Variants in STIL observed in about 807,000 individuals in gnomAD.
The protein encoded by STIL is SCL-interrupting locus protein.
Under a neutral mutation model 110.1 loss-of-function variants are expected in STIL, and 55 were observed. That is an observed-to-expected ratio of 0.50 (90% confidence interval 0.40 to 0.63). The LOEUF is 0.63. STIL is among the 20% of genes least tolerant of loss of function. The pLI, the probability that STIL is intolerant of heterozygous loss-of-function variation, is 0.00. For missense variants in STIL, 1,358 were observed against 1,530.0 expected (o/e 0.89, Z 1.87); for synonymous variants, 481 against 530.0 (o/e 0.91, Z 1.27).
intron 8 of STIL, 116 bp from the exon 9 acceptor site, chr1:47,289,701 G>A: frequency 9.6e-7 from 1 of 1,044,326 alleles, no homozygotes; most frequent in Non-Finnish European, 1.4e-6. Context: ...TGCAATTTTT[G>A]TTCAAAAACT....
chr1:47,278,026 C>A lies in STIL; in HGVS notation c.2217+2215G>T, dbSNP rs568790420. Reference sequence around the variant, plus strand: ...CCACAGCCCACTCTCTTAACCCTTACACCAAAATGAGATTTGCAATACTAG... The same window carrying A: ...CCACAGCCCACTCTCTTAACCCTTAAACCAAAATGAGATTTGCAATACTAG... On this transcript the variant is annotated intron_variant, in intron 12 of 16. Transcript: ENST00000371877. Among the ~76,000 whole-genome samples, 18 of 152,240 alleles carry A rather than the reference C, an allele frequency of 1.2e-4. No individual in the cohort carries two copies. The South Asian group carries it at 3.1e-3, about 26-fold the overall frequency.
chr1:47,312,630 A>T (rs983755954), intron 1 of STIL, among the ~76,000 whole-genome samples: 1 of 152,100 alleles, frequency 6.6e-6, no homozygotes, highest in African/African-American at 2.4e-5. Context: ...AAAAGTGCCA[A>T]TTTTTTCTTC....
chr1:47,266,605 A>T (rs1459925564), intron 14 of STIL, among the ~76,000 whole-genome samples: 1 of 152,172 alleles, frequency 6.6e-6, no homozygotes, highest in Non-Finnish European at 1.5e-5. Context: ...TAACCTCTTT[A>T]AACTGTTTCA....
intron 1 of STIL, among the ~76,000 whole-genome samples, chr1:47,313,430 AC>A (rs34836474): frequency 4.0e-5 from 6 of 151,374 alleles, no homozygotes; most frequent in Non-Finnish European, 7.4e-5. Context: ...TCCAACCTTA[AC>A]CCCCCCATCC....
intron 12 of STIL, among the ~76,000 whole-genome samples, chr1:47,275,643 A>G (rs1644970769): frequency 6.7e-6 from 1 of 149,562 alleles, no homozygotes; most frequent in South Asian, 2.1e-4. Context: ...TTTTTTTTTT[A>G]AGACAGGATC....
At chr1:47,290,702 C>CAAA in intron 8 of STIL, among the ~76,000 whole-genome samples, 1 of 75,888 alleles carries the variant, frequency 1.3e-5, no homozygotes, top group Middle Eastern at 7.8e-3. Flanking sequence ...GACTCCGTCT[C>CAAA]AAAAAAAAAA....
intron 10 of STIL, among the ~76,000 whole-genome samples, chr1:47,286,726 G>C (rs969659987): frequency 1.3e-5 from 2 of 151,956 alleles, no homozygotes; most frequent in Non-Finnish European, 2.9e-5. Flanking sequence ...GAGAAAGAAA[G>C]AATATTAGCT....
intron 16 of STIL, among the ~76,000 whole-genome samples, chr1:47,257,530 A>T (rs1644361893): frequency 6.6e-6 from 1 of 152,354 alleles, no homozygotes; most frequent in Admixed American, 6.5e-5. Flanking sequence ...AAAGTTTTAA[A>T]TATACAGATA....
chr1:47,274,635 G>A (rs911684486), intron 12 of STIL, among the ~76,000 whole-genome samples: 2 of 148,890 alleles, frequency 1.3e-5, no homozygotes, highest in African/African-American at 5.0e-5. Context: ...AGAACTTTTA[G>A]GGATCATTTG....
intron 2 of STIL, among the ~76,000 whole-genome samples, chr1:47,307,291 G>C (rs541090820): frequency 6.6e-6 from 1 of 152,340 alleles, no homozygotes; most frequent in African/African-American, 2.4e-5. Flanking sequence ...ACTCCAGCCT[G>C]AGTGACAGAG....
At position 47,250,956 on chromosome 1, in the gene STIL, C is replaced by A; in HGVS notation, c.*180G>T. 1 of 605,360 alleles carries A rather than the reference C, an allele frequency of 1.7e-6. No homozygotes were observed. Among genetic ancestry groups the A allele is most frequent in the South Asian group, 2.1e-5 (1 of 47,218 alleles). The allele number at this position is 605,360 out of a possible 1,614,324, so 37.5% of individuals were successfully genotyped here. On this transcript the variant is annotated 3_prime_UTR_variant, in exon 17 of 17. Coordinates refer to ENST00000371877, the MANE Select transcript of STIL (RefSeq NM_001048166.1). ...GTGATGTTGAACAGCTCTATTTGAA[C>A]AATGAGAACTTAGTCCTATCACCAG...
chr1:47,269,341 G>T (rs1644751499), intron 14 of STIL, among the ~76,000 whole-genome samples: 1 of 151,846 alleles, frequency 6.6e-6, no homozygotes, highest in South Asian at 2.1e-4. Flanking sequence ...TTCTGAGTTA[G>T]AAGACTTTAA....
intron 6 of STIL, among the ~76,000 whole-genome samples, chr1:47,299,400 CT>C (rs540612576): frequency 1.0e-3 from 146 of 140,344 alleles, no homozygotes; most frequent in Middle Eastern, 3.6e-3. Context: ...TCAGTTTTGT[CT>C]TTTTTTTTTT....
chr1:47,277,470 G>A (rs935892875), intron 12 of STIL, among the ~76,000 whole-genome samples: 1 of 152,110 alleles, frequency 6.6e-6, no homozygotes, highest in African/African-American at 2.4e-5. Flanking sequence ...GATGGTGTGG[G>A]GAAAACAAAC....
chr1:47,280,820 T>A lies in STIL; in HGVS notation c.1638A>T (p.Val546=), dbSNP rs1437623126. The A allele has an allele frequency of 6.2e-7, 1 of 1,614,234 alleles. No individual in the cohort carries two copies. Among genetic ancestry groups the A allele is most frequent in the South Asian group, 1.1e-5 (1 of 91,082 alleles). Residue 546 remains valine, a synonymous_variant, in exon 12 of 17, where the codon GTA becomes GTT. Transcript: ENST00000371877. ...EKLQTVSAGN[V]QNEEYPIRPS... ...GTCTTATAGGATACTCTTCGTTTTG[T>A]ACATTTCCAGCAGAAACTGTTTGGA...
chr1:47,275,018 G>A (rs1165715840), intron 12 of STIL, among the ~76,000 whole-genome samples: 3 of 151,816 alleles, frequency 2.0e-5, no homozygotes, highest in Admixed American at 6.6e-5. Context: ...CGGGCATGGT[G>A]GCACACGGCT....
At chr1:47,265,258 A>AAAAC (rs1557714172) in intron 14 of STIL, among the ~76,000 whole-genome samples, 1 of 150,758 alleles carries the variant, frequency 6.6e-6, no homozygotes, top group Non-Finnish European at 1.5e-5. Flanking sequence ...AAAAAAAAAA[A>AAAAC]AACACAAGAT....
rs375670720 is a variant in STIL at position 47,289,591 on chromosome 1, C to A, written c.873-6G>T. The A allele has an allele frequency of 6.2e-6, 10 of 1,609,890 alleles. No individual in the cohort carries two copies. The Middle Eastern group carries it at 5.0e-4, about 80-fold the overall frequency. On this transcript the variant is annotated splice_region_variant and splice_polypyrimidine_tract_variant and intron_variant, in intron 8 of 16. Coordinates refer to ENST00000371877, the MANE Select transcript of STIL (RefSeq NM_001048166.1). ...TTCCAGATTCTGAAAAAACCCTGCA[C>A]AAAAAAAGTCATTTAATTAAAATTT...
rs765108858 is a variant in STIL at position 47,304,919 on chromosome 1, T to C, written c.122A>G (p.Asp41Gly). The C allele has an allele frequency of 6.2e-7, 1 of 1,613,696 alleles. No homozygotes were observed. The highest frequency in any genetic ancestry group is 1.7e-5 in the Admixed American group (1 of 59,998). The change falls in exon 3 of 17, where the codon GAT becomes GGT. Residue 41 changes from aspartate to glycine, a missense_variant. Transcript: ENST00000371877. ...CALWNPTPTGDFIYLHLSYYR... is the reference protein window; with the variant it reads ...CALWNPTPTGGFIYLHLSYYR... ...GTAACTGAGATGTAAGTAGATGAAATCTCCAGTTGGCGTTGGGTTCCAAAG... is the reference window on the plus strand; with the variant it reads ...GTAACTGAGATGTAAGTAGATGAAACCTCCAGTTGGCGTTGGGTTCCAAAG...
Sources: allele counts gnomAD v4.1 joint callset (sites outside exome capture counted in the v4.1 genomes callset), GRCh38; gene constraint gnomAD v4.1.1; transcripts MANE v1.5; gene names NCBI Gene and HGNC (gene_info 2026-07-23, HGNC 2026-07-21).